Variants in DND1 observed in about 807,000 individuals in gnomAD.
DND1 encodes the protein dead end protein homolog 1.
DND1 carries 6 observed loss-of-function variants against 30.4 expected under a neutral mutation model. The observed-to-expected ratio is 0.20, with a 90% confidence interval of 0.11 to 0.39. The LOEUF (loss-of-function observed/expected upper bound fraction) is 0.39, where lower values mean the gene tolerates loss of function less well. Ranked by LOEUF, DND1 falls within the 10% of genes least tolerant of loss-of-function variation. DND1 has a pLI of 1.00. For missense variants in DND1, 358 were observed against 474.9 expected, an observed-to-expected ratio of 0.75 and a Z score of 2.29; for synonymous variants, 178 against 210.4, an observed-to-expected ratio of 0.85 and a Z score of 1.33.
rs1307785314 is a variant in DND1, at chr5:140,673,560, C to A, written c.-18G>T. On this transcript the variant is annotated 5_prime_UTR_variant, in exon 1 of 4. Transcript: ENST00000542735. ...GACTGCATGGCTCTCCAGCTGGCCC[C>A]CTCGTACCCTCTTTATAACTTCCTC... The A allele has an allele frequency of 3.2e-6, 5 of 1,564,038 alleles. No individual in the cohort carries two copies. The highest frequency in any genetic ancestry group is 4.3e-6 in the Non-Finnish European group (5 of 1,153,522).
intron 1 of DND1, 35 bp downstream of exon 1, chr5:140,673,484 G>T: frequency 1.9e-6 from 3 of 1,608,102 alleles, no homozygotes; most frequent in Non-Finnish European, 2.5e-6. Flanking sequence ...CCGCTCCGGC[G>T]GGGCTCGCCG....
chr5:140,672,968 A>G, intron 2 of DND1, 62 bp from the exon 3 acceptor site: 1 of 1,513,822 alleles, frequency 6.6e-7, no homozygotes, highest in African/African-American at 1.4e-5. Context: ...GAGCCCACGG[A>G]CCCAGCGCGC....
Position 140,671,127 on chromosome 5 carries a change from G to A in DND1, c.*166C>T. 1 of 849,718 alleles carries A rather than the reference G, an allele frequency of 1.2e-6. No homozygotes were observed. Among genetic ancestry groups the A allele is most frequent in the Non-Finnish European group, 1.9e-6 (1 of 534,018 alleles). 52.6% of individuals were successfully genotyped at this position (849,718 alleles called of 1,614,324 possible). On this transcript the variant is annotated 3_prime_UTR_variant, in exon 4 of 4. Coordinates refer to ENST00000542735, the MANE Select transcript of DND1 (RefSeq NM_194249.3). The stretch of plus-strand genomic sequence containing the variant: ...CCACAACTTAACCCAAACCTAAGCT[G>A]CCCCCAGGTGCCATAGGTCCCTGTC...
chr5:140,673,543 G>A lies in DND1; in HGVS notation c.-1C>T, dbSNP rs1195221248. ...CCTCACAATCCCGCTTGGACTGCATGGCTCTCCAGCTGGCCCCCTCGTACC... is the reference window on the plus strand; with the variant it reads ...CCTCACAATCCCGCTTGGACTGCATAGCTCTCCAGCTGGCCCCCTCGTACC... On this transcript the variant is annotated 5_prime_UTR_variant, in exon 1 of 4. Transcript: ENST00000542735. 9 of 1,579,114 alleles carry A rather than the reference G, an allele frequency of 5.7e-6. No homozygotes were observed. The highest frequency in any genetic ancestry group is 1.4e-5 in the African/African-American group (1 of 73,812).
At chr5:140,672,285 TAGCACCA>T in intron 3 of DND1, 153 bp downstream of exon 3, 1 of 761,978 alleles carries the variant, frequency 1.3e-6, no homozygotes, top group Non-Finnish European at 2.1e-6. Context: ...GCGGTGGTGG[TAGCACCA>T]TTGGAAGTTT....
rs1428054256 is a variant in DND1 at position 140,673,320 on chromosome 5, G to A, written c.93C>T (p.Ile31=). ...ALEAWVRETG[I]RLVQVNGQRK... ...TCTGCCCGTTCACCTGCACCAGGCG[G>A]ATGCCTGTCTCCCTGACCCACGCCT... Residue 31 remains isoleucine, a synonymous_variant, in exon 2 of 4, where the codon ATC becomes ATT. Coordinates refer to ENST00000542735, the MANE Select transcript of DND1 (RefSeq NM_194249.3). The A allele has an allele frequency of 6.2e-7, 1 of 1,614,124 alleles. No homozygotes were observed. The highest frequency in any genetic ancestry group is 1.1e-5 in the South Asian group (1 of 91,088).
chr5:140,671,407 C>A lies in DND1; in HGVS notation c.948G>T (p.Gly316=), dbSNP rs1444082443. ...WVVLTLDGRD[G]HEVAKDAVSV... ...ACACAGCATCCTTGGCCACCTCATGCCCATCCCGGCCATCTAGGGTCAGCA... is the reference window on the plus strand; with the variant it reads ...ACACAGCATCCTTGGCCACCTCATGACCATCCCGGCCATCTAGGGTCAGCA... Residue 316 remains glycine (G), a synonymous_variant, in exon 4 of 4, where the codon GGG becomes GGT. Coordinates refer to ENST00000542735, the MANE Select transcript of DND1 (RefSeq NM_194249.3). 7 of 1,612,178 alleles carry A rather than the reference C, an allele frequency of 4.3e-6. No homozygotes were observed. Among genetic ancestry groups the A allele is most frequent in the Non-Finnish European group, 5.9e-6 (7 of 1,179,880 alleles).
rs1408219619 is a variant in DND1, at chr5:140,672,458, CT to C, written c.590del (p.Lys197ArgfsTer24). ...GCCCCAGCCTACCTTCCACCAGGGC[CT>C]TTTTGGCCATGGCAGCGGCCCGGTG... ...SSHRAAAMAK[K>X]ALVEGQSHLC... On this transcript the variant is annotated frameshift_variant, in exon 3 of 4. Coordinates refer to ENST00000542735, the MANE Select transcript of DND1 (RefSeq NM_194249.3). LOFTEE classifies it high-confidence loss of function. 7 of 1,603,674 alleles carry C rather than the reference CT, an allele frequency of 4.4e-6. No homozygotes were observed. The highest frequency in any genetic ancestry group is 2.2e-5 in the East Asian group (1 of 44,646).
intron 1 of DND1, 43 bp downstream of exon 1, chr5:140,673,476 G>A (rs1270129310): frequency 6.2e-7 from 1 of 1,611,398 alleles, no homozygotes; most frequent in African/African-American, 1.3e-5. Context: ...GCCGACCCCC[G>A]CTCCGGCGGG....
In DND1 at chr5:140,672,597, C is replaced by T. The variant is rs1191787365; in HGVS notation, c.452G>A (p.Arg151His). The change falls in exon 3 of 4, where the codon CGC (arginine) becomes CAC (histidine). Residue 151 changes from arginine (R) to histidine (H), a missense_variant. Arg to His is a conservative substitution (Grantham distance 29). Transcript: ENST00000542735. ...CTGCAGCGCGAGCAGCAGCGCGCTG[C>T]GGGTCAGATTCGGCGGCAGGCCGTC... is the stretch of plus-strand genomic sequence containing the variant. ...SVDGLPPNLTRSALLLALQPL... is the reference protein window; with the variant it reads ...SVDGLPPNLTHSALLLALQPL... The T allele has an allele frequency of 6.4e-7, 1 of 1,574,488 alleles. No individual in the cohort carries two copies. The highest frequency in any genetic ancestry group is 8.6e-7 in the Non-Finnish European group (1 of 1,167,186).
chr5:140,671,142 A>C lies in DND1; in HGVS notation c.*151T>G. On this transcript the variant is annotated 3_prime_UTR_variant, in exon 4 of 4. Coordinates refer to ENST00000542735, the MANE Select transcript of DND1 (RefSeq NM_194249.3). ...AACCTAAGCTGCCCCCAGGTGCCAT[A>C]GGTCCCTGTCCCAGCAGGGAGGCTG... 2 of 964,984 alleles carry C rather than the reference A, an allele frequency of 2.1e-6. No homozygotes were observed. Among genetic ancestry groups the C allele is most frequent in the Non-Finnish European group, 3.2e-6 (2 of 630,808 alleles). 59.8% of individuals were successfully genotyped at this position (964,984 alleles called of 1,614,324 possible).
At position 140,671,608 on chromosome 5, in the gene DND1, C is replaced by T. The variant is rs527677101; in HGVS notation, c.747G>A (p.Lys249=). ...TAGCCCGAGCCCCTTGGAACCCTAA[C>T]TTGTCCCTTGCCAAAGCCAACTGGC... is the stretch of plus-strand genomic sequence containing the variant. ...EGSQLALARD[K]LGFQGARATL... The change falls in exon 4 of 4, where the codon AAG becomes AAA. Residue 249 remains lysine (K), a synonymous_variant. Transcript: ENST00000542735. The T allele has an allele frequency of 4.4e-6, 7 of 1,573,100 alleles. No individual in the cohort carries two copies. The highest frequency in any genetic ancestry group is 6.0e-6 in the Non-Finnish European group (7 of 1,159,922).
At position 140,672,748 on chromosome 5, in the gene DND1, C is replaced by A; in HGVS notation, c.301G>T (p.Ala101Ser). 1 of 1,589,312 alleles carries A rather than the reference C, an allele frequency of 6.3e-7. No individual in the cohort carries two copies. ...MTFSGLNRGF[A>S]YARYSSRRGA... ...CGCCTCGAGCTGTAGCGGGCATAGG[C>A]GAAGCCGCGGTTCAGGCCGCTGAAG... Residue 101 changes from alanine to serine, a missense_variant, in exon 3 of 4, where the codon GCC (alanine) becomes TCC (serine). Physicochemically the swap from Ala to Ser is moderately conservative, Grantham distance 99. Around this residue, in one of 3 missense-constraint regions of DND1, gnomAD observed 120 missense variants for 199.1 expected, o/e 0.60. Coordinates refer to ENST00000542735, the MANE Select transcript of DND1 (RefSeq NM_194249.3).
At position 140,672,378 on chromosome 5, in the gene DND1, C is replaced by T. The variant is rs564573750; in HGVS notation, c.604+67G>A. 4 of 1,459,246 alleles carry T rather than the reference C, an allele frequency of 2.7e-6. No homozygotes were observed. In the East Asian group the frequency reaches 9.9e-5, roughly 36 times the overall value. The allele number at this position is 1,459,246 out of a possible 1,614,324, so 90.4% of individuals were successfully genotyped here. ...CTCTAAGATCTTGTAACTTTAACAG[C>T]TATGCTCAGTATAAAGTGCCGGGCA... On this transcript the variant is annotated intron_variant, in intron 3 of 3. Coordinates refer to ENST00000542735, the MANE Select transcript of DND1 (RefSeq NM_194249.3).
chr5:140,671,796 C>T (rs1758082981), intron 3 of DND1, 46 bp from the exon 4 acceptor site: 9 of 1,548,140 alleles, frequency 5.8e-6, no homozygotes, highest in Non-Finnish European at 5.2e-6. Flanking sequence ...ACCCTGGGCC[C>T]AAGCCTCCAG....
At chr5:140,672,237 A>T in intron 3 of DND1, 1 of 611,298 alleles carries the variant, frequency 1.6e-6, no homozygotes. Flanking sequence ...GAATTAAGTC[A>T]GGAGGTAATG....
In DND1 at chr5:140,671,155, AGCAGGGAGGCTGAT is replaced by A; in HGVS notation, c.*124_*137del. On this transcript the variant is annotated 3_prime_UTR_variant, in exon 4 of 4. Coordinates refer to ENST00000542735, the MANE Select transcript of DND1 (RefSeq NM_194249.3). Reference sequence around the variant, plus strand: ...CCCAGGTGCCATAGGTCCCTGTCCCAGCAGGGAGGCTGATGGGCCTGGGCCCATGCCCCTCCCCA... The same window carrying A: ...CCCAGGTGCCATAGGTCCCTGTCCCAGGGCCTGGGCCCATGCCCCTCCCCA... 1 of 1,117,444 alleles carries A rather than the reference AGCAGGGAGGCTGAT, an allele frequency of 8.9e-7. No homozygotes were observed. Among genetic ancestry groups the A allele is most frequent in the Non-Finnish European group, 1.3e-6 (1 of 756,120 alleles). The allele number at this position is 1,117,444 out of a possible 1,614,324, so 69.2% of individuals were successfully genotyped here. A position where few individuals can be genotyped will look rare whatever the true frequency, so the allele number is the denominator to read the frequency against.
At position 140,671,518 on chromosome 5, in the gene DND1, G is replaced by A. The variant is rs1355215133; in HGVS notation, c.837C>T (p.Gly279=). The A allele has an allele frequency of 3.2e-6, 5 of 1,581,582 alleles. No homozygotes were observed. Among genetic ancestry groups the A allele is most frequent in the East Asian group, 2.4e-5 (1 of 42,514 alleles). The change falls in exon 4 of 4, where the codon GGC becomes GGT. Residue 279 remains glycine (G), a synonymous_variant. Coordinates refer to ENST00000542735, the MANE Select transcript of DND1 (RefSeq NM_194249.3). ...GSPVFLTKCL[G]IGPAGWHRFW... Reference sequence around the variant, plus strand: ...AGCGGTGCCAGCCAGCAGGTCCTATGCCCAAACACTTGGTGAGGAACACAG... The same window carrying A: ...AGCGGTGCCAGCCAGCAGGTCCTATACCCAAACACTTGGTGAGGAACACAG...
rs200389551 is a variant in DND1 at position 140,671,376 on chromosome 5, G to A, written c.979C>T (p.Arg327Trp). The change falls in exon 4 of 4, where the codon CGG becomes TGG. Residue 327 changes from arginine to tryptophan, a missense_variant. Transcript: ENST00000542735. ...HEVAKDAVSV[R>W]LLQALSESGA... ...GACTCACTGAGTGCCTGCAGCAGCCGTACAGACACAGCATCCTTGGCCACC... is the reference window on the plus strand; with the variant it reads ...GACTCACTGAGTGCCTGCAGCAGCCATACAGACACAGCATCCTTGGCCACC... 32 of 1,612,758 alleles carry A rather than the reference G, an allele frequency of 2.0e-5. No individual in the cohort carries two copies. Among genetic ancestry groups the A allele is most frequent in the East Asian group, 1.8e-4 (8 of 44,888 alleles).
Sources: allele counts gnomAD v4.1 joint callset, GRCh38; gene constraint gnomAD v4.1.1; regional missense constraint gnomAD v4.1.1; transcripts MANE v1.5; gene names NCBI Gene and HGNC (gene_info 2026-07-23, HGNC 2026-07-21).